DNAL1: variants seen among roughly 807,000 people sequenced by gnomAD.
DNAL1 encodes the protein dynein axonemal light chain 1.
A neutral mutation model predicts 29.4 loss-of-function variants in DNAL1; 17 were observed. The observed-to-expected ratio is 0.58, with a 90% CI of 0.40 to 0.87. The LOEUF is 0.87. DNAL1 is among the 40% of genes least tolerant of loss of function. DNAL1 has a pLI of 0.00. For missense variants in DNAL1, 188 were observed against 214.1 expected (o/e 0.88, Z 0.76); for synonymous variants, 78 against 76.3 (o/e 1.02, Z -0.12).
At chr14:73,668,258 G>C (rs1236713533) in intron 4 of DNAL1, among the ~76,000 whole-genome samples, 2 of 151,968 alleles carry the variant, frequency 1.3e-5, no homozygotes, top group African/African-American at 4.8e-5. Context: ...CCAAATGTTA[G>C]CTCCTTGATA....
At chr14:73,660,154 T>C (rs1162000952) in intron 3 of DNAL1, among the ~76,000 whole-genome samples, 1 of 152,158 alleles carries the variant, frequency 6.6e-6, no homozygotes, top group Non-Finnish European at 1.5e-5. Context: ...GGTCTCGAAC[T>C]CCTGACCTCA....
chr14:73,694,962 T>TAC (rs1385325214), intron 7 of DNAL1, among the ~76,000 whole-genome samples: 2 of 151,754 alleles, frequency 1.3e-5, no homozygotes, highest in Non-Finnish European at 2.9e-5. Context: ...GTGGTGGGAT[T>TAC]ACAGGCGTGA....
At chr14:73,650,111 G>C (rs1891080377) in intron 1 of DNAL1, among the ~76,000 whole-genome samples, 1 of 152,028 alleles carries the variant, frequency 6.6e-6, no homozygotes. Context: ...AGCCTCCTGA[G>C]TACCTAGGAC....
intron 7 of DNAL1, among the ~76,000 whole-genome samples, chr14:73,690,389 A>G (rs890603562): frequency 5.9e-5 from 9 of 152,090 alleles, no homozygotes; most frequent in African/African-American, 1.9e-4. Flanking sequence ...GCGGTGGCTC[A>G]TGCCTGTAAT....
At chr14:73,645,128 G>T in intron 1 of DNAL1, 86 bp downstream of exon 1, 3 of 1,564,704 alleles carry the variant, frequency 1.9e-6, no homozygotes, top group Non-Finnish European at 2.6e-6. Flanking sequence ...GGGTCTGGGG[G>T]TCCTTGAACA....
At chr14:73,670,185 A>T (rs1199572640) in intron 4 of DNAL1, among the ~76,000 whole-genome samples, 2 of 152,234 alleles carry the variant, frequency 1.3e-5, no homozygotes, top group East Asian at 3.8e-4. Flanking sequence ...ATTGAAACTC[A>T]GTTAATTGGA....
chr14:73,674,931 G>A (rs745847519), intron 5 of DNAL1, among the ~76,000 whole-genome samples: 19 of 150,598 alleles, frequency 1.3e-4, no homozygotes, highest in East Asian at 4.0e-4. Flanking sequence ...CAGTCCTCCC[G>A]CTTCAGCCTC....
At chr14:73,678,837 CTG>C (rs1440855922) in intron 5 of DNAL1, among the ~76,000 whole-genome samples, 1 of 152,030 alleles carries the variant, frequency 6.6e-6, no homozygotes, top group East Asian at 1.9e-4. Flanking sequence ...GAACTTCCCT[CTG>C]TGTGTTGAAA....
intron 1 of DNAL1, among the ~76,000 whole-genome samples, chr14:73,648,417 T>TATATATATATATATATATA (rs71112789): frequency 1.9e-4 from 25 of 132,726 alleles, no homozygotes; most frequent in African/African-American, 3.5e-4. Flanking sequence ...TATATATATA[T>TATATATATATATATATATA]TTGTTGTTTG....
chr14:73,672,399 A>G (rs1397623508), intron 5 of DNAL1, among the ~76,000 whole-genome samples: 8 of 151,984 alleles, frequency 5.3e-5, no homozygotes, highest in African/African-American at 1.9e-4. Context: ...AGGTCAGGAG[A>G]TGGAGACCAT....
intron 2 of DNAL1, among the ~76,000 whole-genome samples, chr14:73,656,067 T>C (rs1013082477): frequency 6.6e-6 from 1 of 152,174 alleles, no homozygotes; most frequent in Admixed American, 6.5e-5. Flanking sequence ...AGATCTAGTG[T>C]AGTTTTTTTG....
At chr14:73,666,140 C>T (rs977265285) in intron 4 of DNAL1, among the ~76,000 whole-genome samples, 32 of 152,174 alleles carry the variant, frequency 2.1e-4, no homozygotes, top group African/African-American at 6.3e-4. Flanking sequence ...TGAAGTTATG[C>T]TTTAGCTTGC....
intron 5 of DNAL1, 94 bp from the exon 6 acceptor site, chr14:73,687,165 T>A (rs1316108853): frequency 6.7e-7 from 1 of 1,485,382 alleles, no homozygotes; most frequent in Non-Finnish European, 9.1e-7. Flanking sequence ...AGGGTCTAAG[T>A]TCACTTTGGA....
At chr14:73,656,423 T>TA (rs1489393273) in intron 2 of DNAL1, among the ~76,000 whole-genome samples, 1 of 151,508 alleles carries the variant, frequency 6.6e-6, no homozygotes, top group Non-Finnish European at 1.5e-5. Context: ...AATATGGCCA[T>TA]ACATTTTTGA....
chr14:73,649,571 C>T (rs917121600), intron 1 of DNAL1, among the ~76,000 whole-genome samples: 3 of 152,004 alleles, frequency 2.0e-5, no homozygotes, highest in Admixed American at 6.6e-5. Flanking sequence ...TGTGAGCCAC[C>T]GCGCCCGGGC....
chr14:73,646,157 G>A (rs912245867), intron 1 of DNAL1, among the ~76,000 whole-genome samples: 2 of 152,148 alleles, frequency 1.3e-5, no homozygotes, highest in African/African-American at 4.8e-5. Flanking sequence ...TGGAACCTAG[G>A]TTTATATTCA....
At chr14:73,666,783 C>G (rs1025973094) in intron 4 of DNAL1, among the ~76,000 whole-genome samples, 3 of 152,130 alleles carry the variant, frequency 2.0e-5, no homozygotes, top group Non-Finnish European at 4.4e-5. Flanking sequence ...GTTGATGAAT[C>G]AGCGTATTTT....
At chr14:73,692,035 T>C (rs990228484) in intron 7 of DNAL1, among the ~76,000 whole-genome samples, 1 of 144,796 alleles carries the variant, frequency 6.9e-6, no homozygotes, top group African/African-American at 2.6e-5. Context: ...CCTTGCTCTG[T>C]CACCCAGGCT....
intron 4 of DNAL1, among the ~76,000 whole-genome samples, chr14:73,663,302 T>A (rs2140035110): frequency 6.7e-6 from 1 of 149,584 alleles, no homozygotes; most frequent in South Asian, 2.1e-4. Context: ...GCCTCCTAGG[T>A]TCAAGCAATT....
Sources: allele counts gnomAD v4.1 joint callset (sites outside exome capture counted in the v4.1 genomes callset), GRCh38; gene constraint gnomAD v4.1.1; transcripts MANE v1.5; gene names NCBI Gene and HGNC (gene_info 2026-07-23, HGNC 2026-07-21).